NCOR2: variants seen among roughly 807,000 people sequenced by gnomAD.
NCOR2 encodes the protein CTG repeat protein 26.
NCOR2 carries 81 observed loss-of-function variants against 262.9 expected under a neutral mutation model. That is an observed-to-expected ratio of 0.31 (90% CI 0.26 to 0.37). The LOEUF is 0.37. Ranked by LOEUF, NCOR2 falls within the 10% of genes least tolerant of loss-of-function variation. The pLI, the probability that NCOR2 is intolerant of heterozygous loss-of-function variation, is 1.00. For missense variants in NCOR2, 3,385 were observed against 3,621.4 expected (o/e 0.93, Z 1.68); for synonymous variants, 1,659 against 1,559.3 (o/e 1.06, Z -1.51).
rs2050809077 is a variant in NCOR2, at chr12:124,531,902, GA to G, written c.-118+3662del. On this transcript the variant is annotated intron_variant, in intron 1 of 46. Transcript: ENST00000404621. The surrounding 1 kb of genome is among the most constrained non-coding windows in gnomAD (Gnocchi z 4.5). ...CCACCTCCCCACCCCACTCCCAGCT[GA>G]AGAATCCACTCACAGAGTTTCGAGT... 6.8e-6 allele frequency among the ~76,000 whole-genome samples: 1 copy of G among 147,934 alleles called. No homozygotes were observed. The highest frequency in any genetic ancestry group is 1.5e-5 in the Non-Finnish European group (1 of 67,538).
intron 1 of NCOR2, among the ~76,000 whole-genome samples, chr12:124,500,715 C>G (rs377384902): frequency 6.6e-6 from 1 of 152,174 alleles, no homozygotes; most frequent in African/African-American, 2.4e-5. Flanking sequence ...CCCTGCATTC[C>G]TCTCCAGCTC....
chr12:124,555,180 C>T (rs184304274), intron 1 of NCOR2, among the ~76,000 whole-genome samples: 2 of 152,344 alleles, frequency 1.3e-5, no homozygotes, highest in East Asian at 1.9e-4. Flanking sequence ...TATTGTGAAG[C>T]TTAGATGAGC....
Position 124,354,160 on chromosome 12 carries a change from G to A in NCOR2, c.3626C>T (p.Thr1209Ile), listed in dbSNP as rs142487031. 15 of 1,608,930 alleles carry A rather than the reference G, an allele frequency of 9.3e-6. No individual in the cohort carries two copies. The African/African-American group carries it at 1.9e-4, about 20-fold the overall frequency. Reference sequence around the variant, plus strand: ...CACCCGTGTGCTGGGAATGCCTTTGGTGATGCTTCCGCCCGGAACTGAGCC... The same window carrying A: ...CACCCGTGTGCTGGGAATGCCTTTGATGATGCTTCCGCCCGGAACTGAGCC... Residue 1209 changes from threonine (T) to isoleucine (I), a missense_variant, in exon 27 of 47, where the codon ACC becomes ATC. This residue lies in a region of NCOR2 where 1,615 missense variants were observed against 1,626.9 expected (regional missense o/e 0.99). Coordinates refer to ENST00000405201, the Ensembl canonical transcript of NCOR2.
At chr12:124,383,705 A>C (rs955141562) in intron 17 of NCOR2, among the ~76,000 whole-genome samples, 1 of 152,216 alleles carries the variant, frequency 6.6e-6, no homozygotes, top group South Asian at 2.1e-4. Flanking sequence ...TTCACTCCTC[A>C]TAGGACCTCT....
At chr12:124,434,432 T>C (rs2044210018) in intron 8 of NCOR2, among the ~76,000 whole-genome samples, 1 of 152,158 alleles carries the variant, frequency 6.6e-6, no homozygotes, top group South Asian at 2.1e-4. Context: ...CGGACCCTTC[T>C]TGGAAGTCCT....
At chr12:124,500,748 G>C (rs1449682137) in intron 1 of NCOR2, among the ~76,000 whole-genome samples, 1 of 152,148 alleles carries the variant, frequency 6.6e-6, no homozygotes, top group African/African-American at 2.4e-5. Flanking sequence ...GCCACACCGA[G>C]ACACATTCCA....
chr12:124,537,472 A>G (rs1186644449), upstream of NCOR2, among the ~76,000 whole-genome samples: 1 of 152,154 alleles, frequency 6.6e-6, no homozygotes, highest in Admixed American at 6.5e-5. Context: ...CCAGGTTCCA[A>G]TCTGGCCTCC....
upstream of NCOR2, chr12:124,495,289 A>G (rs774450242): frequency 1.9e-6 from 3 of 1,586,988 alleles, no homozygotes. This position sits in a 1 kb window ranked among gnomAD's most constrained non-coding sequence, Gnocchi z 4.4. Flanking sequence ...CCCAGGCCCC[A>G]ATAAGCTTTC....
chr12:124,347,071 T>C (rs916208050), intron 30 of NCOR2, among the ~76,000 whole-genome samples: 6 of 152,242 alleles, frequency 3.9e-5, no homozygotes, highest in Admixed American at 3.3e-4. Flanking sequence ...TATGAAATCA[T>C]GAAGCTAAAA....
chr12:124,477,617 T>C (rs1053757641), intron 3 of NCOR2, among the ~76,000 whole-genome samples: 1 of 152,232 alleles, frequency 6.6e-6, no homozygotes, highest in African/African-American at 2.4e-5. Context: ...GTGGTTACTT[T>C]TTTGTGAACC....
intron 12 of NCOR2, among the ~76,000 whole-genome samples, chr12:124,421,808 C>T (rs1019099379): frequency 2.0e-5 from 3 of 152,254 alleles, no homozygotes; most frequent in Non-Finnish European, 4.4e-5. Flanking sequence ...CTCCCACCTG[C>T]AGCCTCTCCA....
Position 124,335,472 on chromosome 12 carries a change from G to A in NCOR2, c.6265+11C>T. The A allele has an allele frequency of 1.2e-6, 2 of 1,602,070 alleles. No individual in the cohort carries two copies. The highest frequency in any genetic ancestry group is 8.5e-7 in the Non-Finnish European group (1 of 1,177,758). ...AGGGCTTCGGGGGCCTGGGTACTGG[G>A]TGGGGCGTACCTGGCTGCTTGGGCC... is the stretch of plus-strand genomic sequence containing the variant. On this transcript the variant is annotated intron_variant, in intron 39 of 46. Transcript: ENST00000405201.
chr12:124,332,428 C>T (rs777613511), exon 43 of NCOR2: 30 of 1,614,086 alleles, frequency 1.9e-5, no homozygotes, highest in East Asian at 8.9e-5. Flanking sequence ...AGAAGGCTGG[C>T]GGCTGGCTGG....
At position 124,472,169 on chromosome 12, in the gene NCOR2, G is replaced by A. The variant is rs147415343; in HGVS notation, c.591+783C>T. Among the ~76,000 whole-genome samples, 289 of 152,300 alleles carry A rather than the reference G, an allele frequency of 1.9e-3. 2 individuals are homozygous for A. Among genetic ancestry groups the A allele is most frequent in the African/African-American group, 6.5e-3 (271 of 41,566 alleles). On this transcript the variant is annotated intron_variant, in intron 4 of 46. Transcript: ENST00000405201. Reference sequence around the variant, plus strand: ...GTCAGGGACATCTGAGCAGAGACCTGAATGATACCAGGGAGCAAACCATGA... The same window carrying A: ...GTCAGGGACATCTGAGCAGAGACCTAAATGATACCAGGGAGCAAACCATGA...
intron 6 of NCOR2, among the ~76,000 whole-genome samples, chr12:124,455,949 C>T (rs2045825080): frequency 6.6e-6 from 1 of 152,156 alleles, no homozygotes; most frequent in Non-Finnish European, 1.5e-5. Context: ...GATCATAGCT[C>T]ACCGCAGCCT....
chr12:124,343,840 C>G (rs948250831), intron 32 of NCOR2, among the ~76,000 whole-genome samples: 2 of 152,126 alleles, frequency 1.3e-5, no homozygotes, highest in African/African-American at 4.8e-5. Context: ...GTTGACCAGG[C>G]TGGTCTTGAA....
intron 22 of NCOR2, among the ~76,000 whole-genome samples, chr12:124,358,850 T>C (rs1462915363): frequency 1.3e-4 from 20 of 152,186 alleles, no homozygotes; most frequent in Admixed American, 1.3e-3. Flanking sequence ...ACTCATTTAT[T>C]CTCACAGCAC....
At chr12:124,567,528 G>T (rs1357800538), upstream of NCOR2, 1 of 146,496 alleles carries the variant, frequency 6.8e-6, no homozygotes, top group Non-Finnish European at 1.5e-5. Context: ...GCAGGGCTCG[G>T]GCGGGGCGCC....
chr12:124,523,646 A>AAAC lies in NCOR2; in HGVS notation c.-118+11918_-118+11919insGTT, dbSNP rs1477346231. Among the ~76,000 whole-genome samples the AAAC allele has an allele frequency of 6.6e-6, 1 of 150,810 alleles. No homozygotes were observed. The highest frequency in any genetic ancestry group is 2.5e-5 in the African/African-American group (1 of 40,318). ...CCATAGCTGATGAACTAAAAAAAAA[A>AAAC]AAAACAAAAAACCGAAAAACAATCT... On this transcript the variant is annotated intron_variant, in intron 1 of 46. Coordinates refer to the NCOR2 transcript ENST00000404621. This position sits in a 1 kb window ranked among gnomAD's most constrained non-coding sequence, Gnocchi z 4.0.
Sources: gnomAD v4.1 joint callset for allele counts (sites outside exome capture counted in the v4.1 genomes callset) on GRCh38, gnomAD v4.1.1 for gene constraint, gnomAD v4.1.1 regional missense constraint, Gnocchi (gnomAD v3.1) non-coding constraint, MANE v1.5 for transcripts, NCBI Gene and HGNC (gene_info 2026-07-23, HGNC 2026-07-21) for gene names.